SOX6: variants seen among roughly 807,000 people sequenced by gnomAD.
SOX6 encodes transcription factor SOX-6.
SOX6 carries 11 observed loss-of-function variants against 97.8 expected under a neutral mutation model. The observed-to-expected ratio is 0.11, with a 90% CI of 0.07 to 0.19. The LOEUF is 0.19. Among genes scored for constraint, SOX6 ranks in the 10% least tolerant of loss-of-function variants. The probability of loss-of-function intolerance (pLI) is 1.00; values close to 1 mark genes in which losing one functional copy is unlikely to be tolerated. For missense variants in SOX6, 810 were observed against 1,039.5 expected, an observed-to-expected ratio of 0.78 and a Z score of 3.04; for synonymous variants, 360 against 371.4, an observed-to-expected ratio of 0.97 and a Z score of 0.35.
intron 3 of SOX6, among the ~76,000 whole-genome samples, chr11:16,669,509 A>G (rs1473015775): frequency 1.3e-5 from 2 of 152,146 alleles, no homozygotes; most frequent in Non-Finnish European, 2.9e-5. Context: ...CTGTTCCCAT[A>G]TCTCCTCACT....
intron 4 of SOX6, among the ~76,000 whole-genome samples, chr11:16,198,330 C>A (rs952532280): frequency 6.7e-6 from 1 of 150,326 alleles, no homozygotes; most frequent in African/African-American, 2.5e-5. Context: ...CCCACCTTGG[C>A]CTCCCAAAGT....
At chr11:16,107,944 A>G (rs937728328) in intron 7 of SOX6, among the ~76,000 whole-genome samples, 1 of 152,162 alleles carries the variant, frequency 6.6e-6, no homozygotes. Context: ...TTAACAGGCT[A>G]AAGTTACTCA....
At chr11:16,357,772 C>T (rs142795623), upstream of SOX6, among the ~76,000 whole-genome samples, 693 of 152,144 alleles carry the variant, frequency 4.6e-3, 15 homozygotes, top group Non-Finnish European at 6.8e-4. Flanking sequence ...TTTAGACTAC[C>T]CAAACAATTT....
At chr11:16,365,095 A>G (rs1207417198) in intron 1 of SOX6, among the ~76,000 whole-genome samples, 4 of 152,116 alleles carry the variant, frequency 2.6e-5, no homozygotes. Flanking sequence ...TTATTATAGT[A>G]TATTGTTATA....
intron 13 of SOX6, among the ~76,000 whole-genome samples, chr11:16,012,871 T>C (rs1854774564): frequency 1.3e-5 from 2 of 152,032 alleles, no homozygotes; most frequent in Non-Finnish European, 2.9e-5. Flanking sequence ...CATCCTCTAG[T>C]ATATAAACAC....
At chr11:16,049,244 TG>T (rs747368577) in intron 11 of SOX6, among the ~76,000 whole-genome samples, 7 of 152,128 alleles carry the variant, frequency 4.6e-5, no homozygotes, top group Admixed American at 2.0e-4. Context: ...TGGCCATATA[TG>T]GGGGAGTATA....
chr11:16,713,614 A>G (rs543053714), intron 3 of SOX6, among the ~76,000 whole-genome samples: 1 of 152,346 alleles, frequency 6.6e-6, no homozygotes, highest in African/African-American at 2.4e-5. Context: ...TTTTGAAACT[A>G]AACAAGAAAC....
At chr11:16,499,341 C>A (rs1860662366) in intron 4 of SOX6, among the ~76,000 whole-genome samples, 1 of 151,806 alleles carries the variant, frequency 6.6e-6, no homozygotes, top group Non-Finnish European at 1.5e-5. Context: ...CACTAAATGC[C>A]CACAAGAGAA....
chr11:15,996,115 A>T (rs1319065707), intron 13 of SOX6, among the ~76,000 whole-genome samples: 1 of 152,236 alleles, frequency 6.6e-6, no homozygotes, highest in African/African-American at 2.4e-5. Context: ...TTTAAAAGAC[A>T]AGGAACTATT....
chr11:16,224,454 A>T (rs141314841), intron 4 of SOX6, among the ~76,000 whole-genome samples: 1 of 152,156 alleles, frequency 6.6e-6, no homozygotes, highest in Admixed American at 6.5e-5. Context: ...TTAGACCTTA[A>T]TCATATGGTA....
At chr11:16,485,143 T>G (rs757847184) in intron 4 of SOX6, among the ~76,000 whole-genome samples, 11 of 152,218 alleles carry the variant, frequency 7.2e-5, no homozygotes, top group Admixed American at 2.0e-4. Flanking sequence ...CATGTGTAAC[T>G]GAATTGTAAA....
intron 4 of SOX6, among the ~76,000 whole-genome samples, chr11:16,539,727 T>C (rs970733259): frequency 2.6e-5 from 4 of 152,118 alleles, no homozygotes; most frequent in African/African-American, 9.7e-5. Context: ...TTAGAAGAAA[T>C]GGATAAATCC....
chr11:16,213,059 A>G (rs1852271155), intron 4 of SOX6, among the ~76,000 whole-genome samples: 2 of 152,204 alleles, frequency 1.3e-5, no homozygotes, highest in South Asian at 2.1e-4. Flanking sequence ...TCTCCCTCTC[A>G]TCTTAATCCT....
At chr11:16,437,760 A>C (rs999586836) in intron 1 of SOX6, among the ~76,000 whole-genome samples, 1 of 140,310 alleles carries the variant, frequency 7.1e-6, no homozygotes. Context: ...GGGGAAAATT[A>C]TTTAACTTGT....
At chr11:16,341,482 C>A (rs548211881) in intron 1 of SOX6, among the ~76,000 whole-genome samples, 1 of 152,160 alleles carries the variant, frequency 6.6e-6, no homozygotes, top group East Asian at 1.9e-4. Flanking sequence ...TTCTCTCTTA[C>A]AATCCATTAA....
At chr11:16,715,589 A>G (rs1848214260) in intron 2 of SOX6, among the ~76,000 whole-genome samples, 1 of 152,102 alleles carries the variant, frequency 6.6e-6, no homozygotes, top group Non-Finnish European at 1.5e-5. Context: ...GAAAGAAAAA[A>G]AAAAGGAGTG....
intron 3 of SOX6, among the ~76,000 whole-genome samples, chr11:16,666,381 T>C (rs1214360989): frequency 6.6e-6 from 1 of 152,192 alleles, no homozygotes; most frequent in Admixed American, 6.5e-5. Context: ...TGAAATAATT[T>C]AAAAGAATCA....
chr11:16,264,107 A>G (rs1853992556), intron 3 of SOX6, among the ~76,000 whole-genome samples: 1 of 151,870 alleles, frequency 6.6e-6, no homozygotes, highest in Admixed American at 6.6e-5. Flanking sequence ...AAATAGTAGT[A>G]TGGTTCTGAA....
chr11:16,624,963 GGGGGA>G (rs1848602586), intron 3 of SOX6, among the ~76,000 whole-genome samples: 1 of 151,982 alleles, frequency 6.6e-6, no homozygotes, highest in Non-Finnish European at 1.5e-5. Flanking sequence ...TTTTTTGGTG[GGGGGA>G]GGGTTGATTG....
Sources: allele counts gnomAD v4.1 joint callset (sites outside exome capture counted in the v4.1 genomes callset), GRCh38; gene constraint gnomAD v4.1.1; transcripts MANE v1.5; gene names NCBI Gene and HGNC (gene_info 2026-07-23, HGNC 2026-07-21).